The following ABCC1 variants were observed in gnomAD, a reference collection of about 807,000 sequenced individuals.
ABCC1 encodes the protein ATP binding cassette subfamily C member 1 (ABCC1 blood group).
In ABCC1, 83 loss-of-function variants were observed where a neutral mutation model predicts 172.9. The ratio of observed to expected loss-of-function variants is 0.48; its 90% confidence interval spans 0.40 to 0.58. The LOEUF is 0.58. ABCC1 is among the 20% of genes least tolerant of loss of function. The probability of loss-of-function intolerance (pLI) is 0.00; values close to 1 mark genes in which losing one functional copy is unlikely to be tolerated. For missense variants in ABCC1, 1,817 were observed against 2,002.7 expected (o/e 0.91, Z 1.77); for synonymous variants, 937 against 825.2 (o/e 1.14, Z -2.32).
Position 16,127,478 on chromosome 16 carries a change from C to T in ABCC1, c.3819+1567C>T, listed in dbSNP as rs149439785. Among the ~76,000 whole-genome samples, 58 of 152,184 alleles carry T rather than the reference C, an allele frequency of 3.8e-4. No individual in the cohort carries two copies. The East Asian group carries it at 0.01, about 27-fold the overall frequency. On this transcript the variant is annotated intron_variant, in intron 26 of 30. Coordinates refer to ENST00000399410, the MANE Select transcript of ABCC1 (RefSeq NM_004996.4). ...CCTCCCAAAGTGCTGGGATTACAAG[C>T]GGGAGCCACCATGCCCAGCCCAGCC...
At chr16:16,001,972 C>A (rs1221484447) in intron 1 of ABCC1, among the ~76,000 whole-genome samples, 1 of 152,142 alleles carries the variant, frequency 6.6e-6, no homozygotes, top group Non-Finnish European at 1.5e-5. Context: ...CCCACCTGGG[C>A]CTCCCAAAAT....
At chr16:16,141,044 C>G in intron 30 of ABCC1, 129 bp from the exon 31 acceptor site, 1 of 719,362 alleles carries the variant, frequency 1.4e-6, no homozygotes. Context: ...CTGGAAGGTA[C>G]TGCACCAGTC....
At chr16:16,048,078 G>A in intron 9 of ABCC1, 64 bp from the exon 10 acceptor site, 1 of 1,575,620 alleles carries the variant, frequency 6.3e-7, no homozygotes, top group South Asian at 1.1e-5. Flanking sequence ...CCGTGGGTCT[G>A]GAGGGAGAGT....
At chr16:16,061,746 C>T (rs1384391101) in intron 12 of ABCC1, among the ~76,000 whole-genome samples, 1 of 149,402 alleles carries the variant, frequency 6.7e-6, no homozygotes, top group African/African-American at 2.4e-5. Flanking sequence ...TAAATACATA[C>T]AAAATGGCTT....
intron 20 of ABCC1, among the ~76,000 whole-genome samples, chr16:16,103,507 G>C (rs531905641): frequency 6.6e-6 from 1 of 152,200 alleles, no homozygotes; most frequent in Non-Finnish European, 1.5e-5. Context: ...TTGAACCCAG[G>C]AGGTGGAGGT....
intron 10 of ABCC1, among the ~76,000 whole-genome samples, chr16:16,051,567 C>T (rs1419529530): frequency 6.6e-6 from 1 of 151,998 alleles, no homozygotes; most frequent in African/African-American, 2.4e-5. Context: ...TCCAGGAGTC[C>T]CCAGCAGAGT....
intron 5 of ABCC1, among the ~76,000 whole-genome samples, chr16:16,020,746 G>A (rs887438525): frequency 2.6e-5 from 4 of 152,172 alleles, no homozygotes. Flanking sequence ...GCAAGGACGG[G>A]AATCGACATT....
At chr16:16,060,606 TC>T (rs2049869342) in intron 12 of ABCC1, among the ~76,000 whole-genome samples, 1 of 152,134 alleles carries the variant, frequency 6.6e-6, no homozygotes, top group East Asian at 1.9e-4. Context: ...CACTGCAACC[TC>T]CATCTCCCAG....
At chr16:16,012,118 A>G (rs986218418) in intron 3 of ABCC1, among the ~76,000 whole-genome samples, 1 of 152,162 alleles carries the variant, frequency 6.6e-6, no homozygotes, top group African/African-American at 2.4e-5. Flanking sequence ...ATGATTCTAT[A>G]TAGCACACAT....
intron 1 of ABCC1, among the ~76,000 whole-genome samples, chr16:15,980,259 C>T (rs1182773302): frequency 6.6e-6 from 1 of 152,084 alleles, no homozygotes; most frequent in Non-Finnish European, 1.5e-5. Flanking sequence ...AATCTCAGCA[C>T]TTTGAGAGGC....
intron 1 of ABCC1, among the ~76,000 whole-genome samples, chr16:15,971,684 C>T (rs1008269415): frequency 1.5e-4 from 23 of 152,216 alleles, no homozygotes; most frequent in African/African-American, 5.5e-4. Flanking sequence ...TCTAAGGGTC[C>T]TCGGAAGAAT....
chr16:16,123,496 G>A (rs1185822663), intron 24 of ABCC1, among the ~76,000 whole-genome samples: 1 of 151,866 alleles, frequency 6.6e-6, no homozygotes, highest in Non-Finnish European at 1.5e-5. Flanking sequence ...AATTAGCCGG[G>A]CATGATGGTG....
chr16:16,128,995 G>A (rs1250340032), intron 26 of ABCC1, among the ~76,000 whole-genome samples: 2 of 150,982 alleles, frequency 1.3e-5, no homozygotes, highest in Non-Finnish European at 3.0e-5. Flanking sequence ...ACTCTGTCTC[G>A]AAAAACAAAA....
intron 3 of ABCC1, 120 bp downstream of exon 3, chr16:16,010,021 A>G (rs1426470539): frequency 2.8e-6 from 1 of 353,080 alleles, no homozygotes; most frequent in African/African-American, 2.6e-5. Context: ...GAGCTGGGAT[A>G]TAAATTAAAT....
chr16:15,999,809 C>CTCTCTCTCTTCT, intron 1 of ABCC1, among the ~76,000 whole-genome samples: 1 of 8,360 alleles, frequency 1.2e-4, no homozygotes, highest in Non-Finnish European at 3.1e-4. Flanking sequence ...CTCTCTCTCT[C>CTCTCTCTCTTCT]CTCTCTCTCT....
chr16:15,974,458 C>T (rs1029037662), intron 1 of ABCC1, among the ~76,000 whole-genome samples: 8 of 152,098 alleles, frequency 5.3e-5, no homozygotes, highest in East Asian at 1.9e-4. Context: ...GACTGCCTGT[C>T]TCCTTGAGTT....
chr16:16,018,209 C>T (rs1185416251), intron 5 of ABCC1, among the ~76,000 whole-genome samples: 3 of 151,976 alleles, frequency 2.0e-5, no homozygotes, highest in Non-Finnish European at 2.9e-5. Context: ...GCTTGGTGGG[C>T]ATCAGTATGG....
At chr16:16,015,981 C>G (rs2047978286) in intron 4 of ABCC1, among the ~76,000 whole-genome samples, 2 of 152,024 alleles carry the variant, frequency 1.3e-5, no homozygotes, top group Admixed American at 1.3e-4. Flanking sequence ...CTGTTTCACT[C>G]CCAAGCCCTG....
chr16:16,020,848 G>A (rs956436073), intron 5 of ABCC1, among the ~76,000 whole-genome samples: 1 of 152,100 alleles, frequency 6.6e-6, no homozygotes. Context: ...GGTGAACTTG[G>A]TACTATTTTT....
Sources: gnomAD v4.1 joint callset for allele counts (sites outside exome capture counted in the v4.1 genomes callset) on GRCh38, gnomAD v4.1.1 for gene constraint, MANE v1.5 for transcripts, NCBI Gene and HGNC (gene_info 2026-07-23, HGNC 2026-07-21) for gene names.